The following KMT2C variants were observed in gnomAD, a reference collection of about 807,000 sequenced individuals.
The protein encoded by KMT2C is histone-lysine N-methyltransferase 2C.
KMT2C carries 88 observed loss-of-function variants against 507.9 expected under a neutral mutation model. That is an observed-to-expected ratio of 0.17 (90% CI 0.15 to 0.21). The LOEUF is 0.21. KMT2C is among the 10% of genes least tolerant of loss of function. The pLI is 1.00. For synonymous variants in KMT2C, 2,049 were observed against 2,080.8 expected (o/e 0.98, Z 0.42); for missense variants, 4,954 against 5,957.8 (o/e 0.83, Z 5.55).
intron 44 of KMT2C, 82 bp downstream of exon 44, chr7:152,158,781 C>T (rs1478391852): frequency 7.7e-7 from 1 of 1,296,364 alleles, no homozygotes. Context: ...TCCCAAAGTG[C>T]TGGGATTACA....
At position 152,180,184 on chromosome 7, in the gene KMT2C, G is replaced by A. The variant is rs549023635; in HGVS notation, c.7150-58C>T. The A allele has an allele frequency of 2.6e-6, 4 of 1,563,370 alleles. No individual in the cohort carries two copies. The South Asian group carries it at 4.6e-5, about 18-fold the overall frequency. ...TGTGGTAATTAATGGCTTTTTAAAG[G>A]TTACTGGCTTTTTATTTTTAGATAT... On this transcript the variant is annotated intron_variant, in intron 36 of 58. Coordinates refer to ENST00000262189, the MANE Select transcript of KMT2C (RefSeq NM_170606.3).
chr7:152,189,234 A>G (rs944361989), intron 31 of KMT2C, among the ~76,000 whole-genome samples: 7 of 152,224 alleles, frequency 4.6e-5, no homozygotes, highest in African/African-American at 1.7e-4. Flanking sequence ...AACTAAGCCA[A>G]CTGTCCATAT....
At chr7:152,255,951 T>C (rs2095654327) in intron 9 of KMT2C, among the ~76,000 whole-genome samples, 1 of 152,110 alleles carries the variant, frequency 6.6e-6, no homozygotes, top group African/African-American at 2.4e-5. Flanking sequence ...GGCAGATCAA[T>C]TGAGGCCAGG....
rs764530395 is a variant in KMT2C, at chr7:152,435,736, T to G, written c.51A>C (p.Pro17=). The part of the protein sequence containing the change: ...KSVEQPQPPP[P]PPEEPGAPAP... ...CCGGGGCTCCAGGCTCCTCGGGGGG[T>G]GGTGGCGGCGGCTGCGGCTGCTCCA... Residue 17 remains proline, a synonymous_variant, in exon 1 of 59, where the codon CCA becomes CCC. Transcript: ENST00000262189. The G allele has an allele frequency of 2.8e-5, 43 of 1,511,928 alleles. No individual in the cohort carries two copies. The highest frequency in any genetic ancestry group is 5.4e-5 in the East Asian group (2 of 36,894). 93.7% of individuals were successfully genotyped at this position (1,511,928 alleles called of 1,614,324 possible).
At chr7:152,402,058 C>T (rs368907812) in intron 1 of KMT2C, among the ~76,000 whole-genome samples, 276 of 32,990 alleles carry the variant, frequency 8.4e-3, no homozygotes, top group African/African-American at 0.036. Flanking sequence ...TGCAGCAAGC[C>T]GAGATCGCGC....
In KMT2C at chr7:152,162,459, C is replaced by T; in HGVS notation, c.11118G>A (p.Lys3706=). The T allele has an allele frequency of 6.2e-7, 1 of 1,614,238 alleles. No homozygotes were observed. The highest frequency in any genetic ancestry group is 8.5e-7 in the Non-Finnish European group (1 of 1,180,046). The change falls in exon 43 of 59, where the codon AAG becomes AAA. Residue 3706 remains lysine, a synonymous_variant. Coordinates refer to ENST00000262189, the MANE Select transcript of KMT2C (RefSeq NM_170606.3). ...QQTYANSEVD[K]LSMETPAKTE... Reference sequence around the variant, plus strand: ...TTTTGGCAGGGGTTTCCATGGAGAGCTTGTCTACTTCTGAATTTGCATACG... The same window carrying T: ...TTTTGGCAGGGGTTTCCATGGAGAGTTTGTCTACTTCTGAATTTGCATACG...
chr7:152,164,396 T>C (rs1371990347), intron 42 of KMT2C, among the ~76,000 whole-genome samples: 1 of 151,574 alleles, frequency 6.6e-6, no homozygotes. Context: ...TTCACGCCAT[T>C]CTCCTGCCTC....
intron 6 of KMT2C, among the ~76,000 whole-genome samples, chr7:152,279,212 T>C (rs1237575568): frequency 2.6e-5 from 4 of 152,212 alleles, no homozygotes; most frequent in Non-Finnish European, 5.9e-5. Flanking sequence ...TTAAAAGTCC[T>C]TTCTATATAA....
At chr7:152,387,262 C>T (rs1435639418) in intron 1 of KMT2C, among the ~76,000 whole-genome samples, 1 of 151,564 alleles carries the variant, frequency 6.6e-6, no homozygotes, top group Non-Finnish European at 1.5e-5. Context: ...CTGAGCCATT[C>T]CTTTATACTG....
At chr7:152,391,398 C>A (rs1418502166) in intron 1 of KMT2C, among the ~76,000 whole-genome samples, 1 of 150,322 alleles carries the variant, frequency 6.7e-6, no homozygotes, top group Non-Finnish European at 1.5e-5. Flanking sequence ...CCTGCCACCA[C>A]GCCTAGCTAG....
At position 152,181,712 on chromosome 7, in the gene KMT2C, G is replaced by A. The variant is rs1334577127; in HGVS notation, c.6148C>T (p.Pro2050Ser). ...PGPFKTPMQPPPSSQDPYGSV... is the reference protein window; with the variant it reads ...PGPFKTPMQPSPSSQDPYGSV... ...CCATAAGGATCCTGAGAGGATGGAG[G>A]AGGTTGCATTGGAGTCTTAAAAGGT... The change falls in exon 36 of 59, where the codon CCT becomes TCT. Residue 2050 changes from proline (P) to serine (S), a missense_variant. Pro to Ser is a moderately conservative substitution (Grantham distance 74). Coordinates refer to ENST00000262189, the MANE Select transcript of KMT2C (RefSeq NM_170606.3). The A allele has an allele frequency of 1.2e-6, 2 of 1,614,028 alleles. No homozygotes were observed. Among genetic ancestry groups the A allele is most frequent in the African/African-American group, 1.3e-5 (1 of 74,908 alleles).
intron 2 of KMT2C, among the ~76,000 whole-genome samples, chr7:152,343,757 T>C (rs907727237): frequency 3.9e-5 from 6 of 152,106 alleles, no homozygotes; most frequent in Non-Finnish European, 8.8e-5. Context: ...GAATGAAATA[T>C]GTAACATGTT....
Position 152,178,014 on chromosome 7 carries a change from T to TAA in KMT2C, c.7443-5_7443-4insTT. On this transcript the variant is annotated splice_polypyrimidine_tract_variant and splice_region_variant and intron_variant, in intron 37 of 58. Coordinates refer to ENST00000262189, the MANE Select transcript of KMT2C (RefSeq NM_170606.3). ...ACTACCTCCTGGAAATCCAAATCTTTTAAAAAAAAAAAAAAAAAAAAAAAA... is the reference window on the plus strand; with the variant it reads ...ACTACCTCCTGGAAATCCAAATCTTTAATAAAAAAAAAAAAAAAAAAAAAAAA... 4.4e-6 allele frequency: 5 copies of TAA among 1,129,676 alleles called. No homozygotes were observed. Among genetic ancestry groups the TAA allele is most frequent in the South Asian group, 3.8e-5 (1 of 26,134 alleles). The allele number at this position is 1,129,676 out of a possible 1,614,324, so 70.0% of individuals were successfully genotyped here. A position where few individuals can be genotyped will look rare whatever the true frequency, so the allele number is the denominator to read the frequency against.
At chr7:152,180,370 T>C (rs1351441385) in intron 36 of KMT2C, among the ~76,000 whole-genome samples, 2 of 152,206 alleles carry the variant, frequency 1.3e-5, no homozygotes, top group East Asian at 1.9e-4. Context: ...GCTATGGTAA[T>C]GTTTCAAAGT....
At chr7:152,415,400 A>G (rs1198970263) in intron 1 of KMT2C, among the ~76,000 whole-genome samples, 1 of 152,210 alleles carries the variant, frequency 6.6e-6, no homozygotes, top group Non-Finnish European at 1.5e-5. Context: ...AAATGAACTA[A>G]AAGAAATAAT....
intron 25 of KMT2C, among the ~76,000 whole-genome samples, chr7:152,204,224 G>A (rs2094229263): frequency 6.6e-6 from 1 of 152,164 alleles, no homozygotes; most frequent in South Asian, 2.1e-4. Flanking sequence ...CTTGGACTCG[G>A]GAGGTGAAGG....
intron 2 of KMT2C, among the ~76,000 whole-genome samples, chr7:152,332,176 T>C (rs2096890701): frequency 6.6e-6 from 1 of 152,144 alleles, no homozygotes; most frequent in African/African-American, 2.4e-5. Flanking sequence ...TTAAATGTTC[T>C]TTCTCAGGAG....
At chr7:152,399,822 G>A (rs2116599797) in intron 1 of KMT2C, among the ~76,000 whole-genome samples, 1 of 151,822 alleles carries the variant, frequency 6.6e-6, no homozygotes, top group South Asian at 2.1e-4. Flanking sequence ...TGGCGGGGGA[G>A]GAAATGAAGG....
intron 6 of KMT2C, among the ~76,000 whole-genome samples, chr7:152,307,203 A>T (rs537242517): frequency 1.3e-5 from 1 of 77,788 alleles, no homozygotes. Flanking sequence ...GGGAGGAAGG[A>T]AGGAAGGAAG....
Sources: allele counts gnomAD v4.1 joint callset (sites outside exome capture counted in the v4.1 genomes callset), GRCh38; gene constraint gnomAD v4.1.1; transcripts MANE v1.5; gene names NCBI Gene and HGNC (gene_info 2026-07-23, HGNC 2026-07-21).